The following DGKH variants were observed in gnomAD, a reference collection of about 807,000 sequenced individuals.
DGKH encodes the protein DAG kinase eta.
DGKH carries 90 observed loss-of-function variants against 159.3 expected under a neutral mutation model. That is an observed-to-expected ratio of 0.57 (90% CI 0.48 to 0.67). The LOEUF (loss-of-function observed/expected upper bound fraction) is 0.67. DGKH is among the 30% of genes least tolerant of loss of function. The pLI is 0.00. For synonymous variants in DGKH, 536 were observed against 553.8 expected (o/e 0.97, Z 0.45); for missense variants, 1,181 against 1,506.1 (o/e 0.78, Z 3.57).
At chr13:42,193,888 A>G (rs1594182778) in intron 16 of DGKH, among the ~76,000 whole-genome samples, 1 of 152,334 alleles carries the variant, frequency 6.6e-6, no homozygotes, top group East Asian at 1.9e-4. Context: ...TCTTAAAAAT[A>G]CCTACCAGTA....
chr13:42,247,107 C>G (rs1454760913), downstream of DGKH, among the ~76,000 whole-genome samples: 5 of 152,166 alleles, frequency 3.3e-5, no homozygotes, highest in Non-Finnish European at 7.3e-5. Context: ...CAAACCTACT[C>G]TGCTGCCAGT....
intron 3 of DGKH, among the ~76,000 whole-genome samples, chr13:42,138,675 A>G (rs1195111191): frequency 1.3e-5 from 2 of 152,188 alleles, no homozygotes; most frequent in Admixed American, 1.3e-4. Context: ...CCCTCATTGA[A>G]ATATTTATGT....
At position 42,189,203 on chromosome 13, in the gene DGKH, C is replaced by T. The variant is rs138446306; in HGVS notation, c.1806C>T (p.Asp602=). Residue 602 remains aspartate (D), a synonymous_variant, in exon 15 of 30, where the codon GAC becomes GAT. Transcript: ENST00000337343. ...AAAGCAAAGAGCAGCTTGGGGATGA[C>T]GTTACAAAACCTTCCTCCCAGAAAG... ...LGESKEQLGD[D]VTKPSSQKAV... is the part of the protein sequence containing the mutation. The T allele has an allele frequency of 3.6e-5, 58 of 1,614,172 alleles. No individual in the cohort carries two copies. The African/African-American group carries it at 6.8e-4, about 19-fold the overall frequency.
At chr13:42,130,332 AC>A (rs1955263242) in intron 3 of DGKH, among the ~76,000 whole-genome samples, 1 of 152,188 alleles carries the variant, frequency 6.6e-6, no homozygotes, top group African/African-American at 2.4e-5. Context: ...TGGGAATCCT[AC>A]CAATTCTTCA....
intron 1 of DGKH, among the ~76,000 whole-genome samples, chr13:42,121,777 T>C (rs1213539883): frequency 2.6e-5 from 4 of 152,224 alleles, no homozygotes; most frequent in Non-Finnish European, 5.9e-5. Flanking sequence ...TGACATGGTT[T>C]CTATGGAAAG....
At chr13:42,256,084 T>C in intron 30 of DGKH, 1 of 1,252,492 alleles carries the variant, frequency 8.0e-7, no homozygotes, top group Non-Finnish European at 1.2e-6. Flanking sequence ...TGCCTGAAAA[T>C]GAACCAGGAA....
At chr13:42,070,798 G>GT (rs774450985) in intron 1 of DGKH, 7 of 1,486,334 alleles carry the variant, frequency 4.7e-6, no homozygotes, top group Non-Finnish European at 6.5e-6. Context: ...GTTTAGTTCC[G>GT]TAAGAGAGCC....
At chr13:42,151,481 GTGT>G in intron 3 of DGKH, among the ~76,000 whole-genome samples, 1 of 33,256 alleles carries the variant, frequency 3.0e-5, no homozygotes, top group Non-Finnish European at 1.0e-4. Flanking sequence ...ATTCCATGGT[GTGT>G]GTGTGTGTGT....
At chr13:42,199,433 T>C (rs1594193278) in intron 18 of DGKH, 133 bp from the exon 19 acceptor site, 3 of 567,494 alleles carry the variant, frequency 5.3e-6, no homozygotes, top group Admixed American at 7.4e-5. Context: ...GAATAGGAAG[T>C]GATTAGTGCT....
At chr13:42,094,124 G>A (rs140892683) in intron 1 of DGKH, among the ~76,000 whole-genome samples, 1 of 131,050 alleles carries the variant, frequency 7.6e-6, no homozygotes, top group South Asian at 2.9e-4. Flanking sequence ...GTTGTGGGTT[G>A]GGGGGAGGGG....
Position 42,160,250 on chromosome 13 carries a change from A to G in DGKH, c.855+114A>G, listed in dbSNP as rs576444789. On this transcript the variant is annotated intron_variant, in intron 7 of 29. Transcript: ENST00000337343. ...TTATGACAGAGCTGAACCTGGTAGC[A>G]TACGCATCTCATGATGACATTCTTC... 14 of 1,395,388 alleles carry G rather than the reference A, an allele frequency of 1.0e-5. No individual in the cohort carries two copies. In the South Asian group the frequency reaches 1.5e-4, roughly 15 times the overall value. 86.4% of individuals were successfully genotyped at this position (1,395,388 alleles called of 1,614,324 possible).
At chr13:42,244,903 C>CA (rs57184890), downstream of DGKH, among the ~76,000 whole-genome samples, 364 of 42,966 alleles carry the variant, frequency 8.5e-3, 41 homozygotes, top group East Asian at 0.012. Flanking sequence ...GACTCCGTCT[C>CA]AAAAAAAAAA....
intron 1 of DGKH, among the ~76,000 whole-genome samples, chr13:42,087,044 A>AACACACACACACAC (rs71298957): frequency 0.017 from 2,344 of 140,096 alleles, 27 homozygotes; most frequent in African/African-American, 0.026. Flanking sequence ...CCAGAAGGAA[A>AACACACACACACAC]ACACACACAC....
chr13:42,150,555 G>A (rs1052729681), intron 3 of DGKH, among the ~76,000 whole-genome samples: 1 of 152,194 alleles, frequency 6.6e-6, no homozygotes, highest in African/African-American at 2.4e-5. Flanking sequence ...AATGTAAGAT[G>A]CTGCGGAAGT....
chr13:42,166,576 G>C lies in DGKH; in HGVS notation c.1020G>C (p.Lys340Asn). Residue 340 changes from lysine (K) to asparagine (N), a missense_variant, in exon 9 of 30, where the codon AAG becomes AAC. Transcript: ENST00000337343. Reference sequence around the variant, plus strand: ...CTCTATTGGTTTTTGTCAATTCTAAGAGTGGAGATAATCAGGGAGTAAAGT... The same window carrying C: ...CTCTATTGGTTTTTGTCAATTCTAACAGTGGAGATAATCAGGGAGTAAAGT... ...VSPLLVFVNS[K>N]SGDNQGVKFL... 7 of 1,607,860 alleles carry C rather than the reference G, an allele frequency of 4.4e-6. No individual in the cohort carries two copies. Among genetic ancestry groups the C allele is most frequent in the Non-Finnish European group, 5.9e-6 (7 of 1,177,340 alleles).
At chr13:42,223,202 GTTGT>G (rs2138258457) in intron 29 of DGKH, among the ~76,000 whole-genome samples, 1 of 152,260 alleles carries the variant, frequency 6.6e-6, no homozygotes, top group South Asian at 2.1e-4. Context: ...GTTCTCTGCG[GTTGT>G]AGCTGTCAGC....
intron 26 of DGKH, among the ~76,000 whole-genome samples, chr13:42,218,099 G>A (rs1957852608): frequency 6.6e-6 from 1 of 152,158 alleles, no homozygotes; most frequent in South Asian, 2.1e-4. Context: ...AAAGTCTCCT[G>A]AAGTCAATTA....
At chr13:42,071,861 C>T (rs1882995185) in intron 1 of DGKH, among the ~76,000 whole-genome samples, 1 of 152,146 alleles carries the variant, frequency 6.6e-6, no homozygotes, top group South Asian at 2.1e-4. Context: ...CATGTAACAC[C>T]GACCCGTGAG....
intron 1 of DGKH, among the ~76,000 whole-genome samples, chr13:42,081,344 C>T (rs1954197247): frequency 6.6e-6 from 1 of 152,044 alleles, no homozygotes; most frequent in Non-Finnish European, 1.5e-5. Context: ...ATTCTCCTAC[C>T]TCAGCCTCCC....
Sources: allele counts gnomAD v4.1 joint callset (sites outside exome capture counted in the v4.1 genomes callset), GRCh38; gene constraint gnomAD v4.1.1; transcripts MANE v1.5; gene names NCBI Gene and HGNC (gene_info 2026-07-23, HGNC 2026-07-21).